FCRL4: variants seen among roughly 807,000 people sequenced by gnomAD.
The protein encoded by FCRL4 is Fc receptor-like protein 4.
Under a neutral mutation model 64.1 loss-of-function variants are expected in FCRL4, and 43 were observed. The observed-to-expected ratio is 0.67, with a 90% confidence interval of 0.53 to 0.87. The LOEUF is 0.87. Ranked by LOEUF, FCRL4 falls within the 40% of genes least tolerant of loss-of-function variation. FCRL4 has a pLI of 0.00. For missense variants in FCRL4, 656 were observed against 613.5 expected, an observed-to-expected ratio of 1.07 and a Z score of -0.73; for synonymous variants, 253 against 239.8, an observed-to-expected ratio of 1.05 and a Z score of -0.51.
chr1:157,578,616 A>G, intron 9 of FCRL4, 74 bp from the exon 10 acceptor site: 2 of 1,406,174 alleles, frequency 1.4e-6, no homozygotes, highest in Non-Finnish European at 2.0e-6. Flanking sequence ...CCTAAGCATC[A>G]TCTCCACTCT....
rs1396592754 is a variant in FCRL4 at position 157,574,427 on chromosome 1, C to T, written c.*1097G>A. 1 of 213,436 alleles carries T rather than the reference C, an allele frequency of 4.7e-6. No individual in the cohort carries two copies. The allele number at this position is 213,436 out of a possible 1,614,324, so 13.2% of individuals were successfully genotyped here. Reference sequence around the variant, plus strand: ...ATTTGTAGGTGGTATTGTACACTTCCATCAGGAGACCTCTAATATTTGGCT... The same window carrying T: ...ATTTGTAGGTGGTATTGTACACTTCTATCAGGAGACCTCTAATATTTGGCT... On this transcript the variant is annotated 3_prime_UTR_variant, in exon 12 of 12. Coordinates refer to ENST00000271532, the MANE Select transcript of FCRL4 (RefSeq NM_031282.3).
chr1:157,578,396 C>A (rs1652462051), intron 10 of FCRL4, 78 bp downstream of exon 10: 1 of 1,193,250 alleles, frequency 8.4e-7, no homozygotes. Flanking sequence ...GAATACCTAG[C>A]ACATAGGAGG....
chr1:157,579,893 G>A (rs928597061), intron 8 of FCRL4, among the ~76,000 whole-genome samples: 2 of 152,172 alleles, frequency 1.3e-5, no homozygotes, highest in African/African-American at 2.4e-5. Context: ...AGCACATAAC[G>A]TTTAATGAGT....
Position 157,575,255 on chromosome 1 carries a change from A to C in FCRL4, c.*269T>G. The C allele has an allele frequency of 4.2e-6, 2 of 481,342 alleles. No individual in the cohort carries two copies. The highest frequency in any genetic ancestry group is 3.8e-6 in the Non-Finnish European group (1 of 263,718). The allele number at this position is 481,342 out of a possible 1,614,324, so 29.8% of individuals were successfully genotyped here. A position where few individuals can be genotyped will look rare whatever the true frequency, so the allele number is the denominator to read the frequency against. ...CCTTCTCTAAAGCAGACCCTAGGGA[A>C]TACATTAGGTCAGGCCCACAGCAAA... On this transcript the variant is annotated 3_prime_UTR_variant, in exon 12 of 12. Coordinates refer to ENST00000271532, the MANE Select transcript of FCRL4 (RefSeq NM_031282.3).
chr1:157,595,687 G>A (rs1020479766), intron 2 of FCRL4, among the ~76,000 whole-genome samples: 2 of 152,246 alleles, frequency 1.3e-5, no homozygotes, highest in African/African-American at 4.8e-5. Context: ...AGGAGGGGAA[G>A]AACAGCAGAG....
intron 6 of FCRL4, among the ~76,000 whole-genome samples, chr1:157,582,905 G>A (rs539942336): frequency 5.2e-4 from 79 of 152,298 alleles, no homozygotes; most frequent in African/African-American, 1.8e-3. Context: ...TGGGGCATCC[G>A]CCGGTGCAAA....
At chr1:157,585,155 T>C (rs1652644164) in intron 6 of FCRL4, among the ~76,000 whole-genome samples, 1 of 150,976 alleles carries the variant, frequency 6.6e-6, no homozygotes, top group Non-Finnish European at 1.5e-5. Context: ...AATTGAGGAG[T>C]TTTATTGTAT....
At chr1:157,591,758 A>T (rs990604648) in intron 2 of FCRL4, among the ~76,000 whole-genome samples, 1 of 152,214 alleles carries the variant, frequency 6.6e-6, no homozygotes, top group East Asian at 1.9e-4. Context: ...ATTAAAAATA[A>T]GAGGCTTAAT....
chr1:157,596,938 TCAAATG>T (rs1376859529), intron 1 of FCRL4, among the ~76,000 whole-genome samples: 1 of 152,206 alleles, frequency 6.6e-6, no homozygotes. Context: ...TTCCACCTGA[TCAAATG>T]TTAGAGAATT....
chr1:157,596,307 G>T, intron 2 of FCRL4, 21 bp downstream of exon 2: 12 of 1,612,372 alleles, frequency 7.4e-6, no homozygotes, highest in Non-Finnish European at 1.0e-5. Flanking sequence ...ACATAAAGGA[G>T]CAAAGAAAAT....
intron 2 of FCRL4, among the ~76,000 whole-genome samples, chr1:157,593,772 C>T (rs921035316): frequency 2.6e-5 from 4 of 152,128 alleles, no homozygotes; most frequent in Middle Eastern, 3.4e-3. Flanking sequence ...AAACTGTTTC[C>T]GAGGCTCTTT....
intron 8 of FCRL4, 21 bp downstream of exon 8, chr1:157,580,300 T>C (rs1652531644): frequency 1.2e-6 from 2 of 1,613,712 alleles, no homozygotes; most frequent in South Asian, 1.1e-5. Flanking sequence ...TAAAAAGGAA[T>C]GGCAGAAACT....
Position 157,587,727 on chromosome 1 carries a change from C to T in FCRL4, c.562+138G>A, listed in dbSNP as rs985361050. On this transcript the variant is annotated intron_variant, in intron 4 of 11. Coordinates refer to ENST00000271532, the MANE Select transcript of FCRL4 (RefSeq NM_031282.3). ...CAGGATTATTCAGGTCCAATCACCC[C>T]ACTTTCTCTGCCTCTTAGAGGATTT... 1.5e-5 allele frequency: 17 copies of T among 1,111,644 alleles called. No homozygotes were observed. In the African/African-American group the frequency reaches 2.4e-4, roughly 15 times the overall value. 68.9% of individuals were successfully genotyped at this position (1,111,644 alleles called of 1,614,324 possible).
chr1:157,595,077 T>A lies in FCRL4; in HGVS notation c.52+1251A>T, dbSNP rs569493330. Among the ~76,000 whole-genome samples the A allele has an allele frequency of 5.9e-5, 9 of 152,284 alleles. No individual in the cohort carries two copies. In the South Asian group the frequency reaches 1.9e-3, roughly 32 times the overall value. On this transcript the variant is annotated intron_variant, in intron 2 of 11. Coordinates refer to ENST00000271532, the MANE Select transcript of FCRL4 (RefSeq NM_031282.3). ...CCACAACCGGCTAATTTTTTGTATT[T>A]TCAGTAGAGATGAGGTTTCACCATG... is the stretch of plus-strand genomic sequence containing the variant.
intron 10 of FCRL4, 67 bp from the exon 11 acceptor site, chr1:157,575,797 T>G: frequency 6.6e-7 from 1 of 1,521,260 alleles, no homozygotes; most frequent in Non-Finnish European, 9.1e-7. Flanking sequence ...GTCTGTTAGC[T>G]GATGCCCTAG....
chr1:157,587,931 G>T lies in FCRL4; in HGVS notation c.496C>A (p.Arg166=). ...QASSNNNGNY[R]CIGYGDENDV... ...TTCTCGTCTCCATATCCAATGCATC[G>T]ATAATTGCCATTGTTATTTGAACTT... Residue 166 remains arginine, a synonymous_variant, in exon 4 of 12, where the codon CGA becomes AGA. Coordinates refer to ENST00000271532, the MANE Select transcript of FCRL4 (RefSeq NM_031282.3). 1 of 1,611,438 alleles carries T rather than the reference G, an allele frequency of 6.2e-7. No homozygotes were observed. Among genetic ancestry groups the T allele is most frequent in the Non-Finnish European group, 8.5e-7 (1 of 1,178,118 alleles).
At chr1:157,592,791 G>A (rs558311025) in intron 2 of FCRL4, among the ~76,000 whole-genome samples, 1 of 152,324 alleles carries the variant, frequency 6.6e-6, no homozygotes, top group South Asian at 2.1e-4. Flanking sequence ...GTACACATAT[G>A]TTTATTGTGG....
intron 2 of FCRL4, among the ~76,000 whole-genome samples, chr1:157,589,997 C>G (rs1327990840): frequency 6.6e-6 from 1 of 152,130 alleles, no homozygotes; most frequent in African/African-American, 2.4e-5. Context: ...GAAGTTTTCC[C>G]TTATAAAGGA....
At position 157,587,930 on chromosome 1, in the gene FCRL4, C is replaced by G. The variant is rs770478619; in HGVS notation, c.497G>C (p.Arg166Pro). Residue 166 changes from arginine (R) to proline (P), a missense_variant, in exon 4 of 12, where the codon CGA becomes CCA. By Grantham distance (103) the Arg-to-Pro change is moderately radical. Transcript: ENST00000271532. Reference protein sequence around the residue: ...QASSNNNGNYRCIGYGDENDV... With the variant: ...QASSNNNGNYPCIGYGDENDV... ...ATTCTCGTCTCCATATCCAATGCAT[C>G]GATAATTGCCATTGTTATTTGAACT... 85 of 1,611,588 alleles carry G rather than the reference C, an allele frequency of 5.3e-5. No individual in the cohort carries two copies. Among genetic ancestry groups the G allele is most frequent in the Non-Finnish European group, 7.0e-5 (83 of 1,178,290 alleles).
Sources: allele counts gnomAD v4.1 joint callset (sites outside exome capture counted in the v4.1 genomes callset), GRCh38; gene constraint gnomAD v4.1.1; transcripts MANE v1.5; gene names NCBI Gene and HGNC (gene_info 2026-07-23, HGNC 2026-07-21).